The following CTNNA3 variants were observed in gnomAD, a reference collection of about 807,000 sequenced individuals.
The protein encoded by CTNNA3 is catenin alpha 3.
CTNNA3 carries 76 observed loss-of-function variants against 95.7 expected under a neutral mutation model. The ratio of observed to expected loss-of-function variants is 0.79; its 90% CI spans 0.66 to 0.96. CTNNA3 has a LOEUF of 0.96. Among genes scored for constraint, CTNNA3 ranks in the 40% least tolerant of loss-of-function variants. The pLI is 0.00. For synonymous variants in CTNNA3, 431 were observed against 374.4 expected, an observed-to-expected ratio of 1.15 and a Z score of -1.74; for missense variants, 1,191 against 1,089.8, an observed-to-expected ratio of 1.09 and a Z score of -1.31.
intron 13 of CTNNA3, among the ~76,000 whole-genome samples, chr10:66,221,651 C>G (rs2088934096): frequency 6.6e-6 from 1 of 152,112 alleles, no homozygotes; most frequent in African/African-American, 2.4e-5. Flanking sequence ...AGTTTTCAGG[C>G]AATTGAGAAC....
chr10:67,697,363 T>A (rs983411790), upstream of CTNNA3, among the ~76,000 whole-genome samples: 5 of 152,150 alleles, frequency 3.3e-5, no homozygotes, highest in Non-Finnish European at 7.4e-5. Flanking sequence ...AATAAAGAAA[T>A]CACTTGACAC....
chr10:67,346,500 T>C (rs1842418500), intron 5 of CTNNA3, among the ~76,000 whole-genome samples: 1 of 152,228 alleles, frequency 6.6e-6, no homozygotes, highest in Non-Finnish European at 1.5e-5. Context: ...TCACCAGATA[T>C]ACTATTCTAG....
At chr10:66,947,012 T>C (rs952213006) in intron 7 of CTNNA3, among the ~76,000 whole-genome samples, 1 of 152,168 alleles carries the variant, frequency 6.6e-6, no homozygotes, top group Non-Finnish European at 1.5e-5. Flanking sequence ...ACTGAGGTAA[T>C]CATCTTTTTA....
intron 12 of CTNNA3, among the ~76,000 whole-genome samples, chr10:66,282,840 C>T (rs1175647113): frequency 6.6e-6 from 1 of 151,716 alleles, no homozygotes; most frequent in African/African-American, 2.4e-5. Flanking sequence ...TGTTTATATC[C>T]TAAGTGCATA....
chr10:66,359,633 G>C (rs2092637764), intron 12 of CTNNA3, among the ~76,000 whole-genome samples: 1 of 152,012 alleles, frequency 6.6e-6, no homozygotes, highest in Non-Finnish European at 1.5e-5. Context: ...CCTCTGTTCT[G>C]TTTTGCATTA....
intron 15 of CTNNA3, among the ~76,000 whole-genome samples, chr10:66,004,075 A>C (rs2078830294): frequency 1.3e-5 from 2 of 152,248 alleles, no homozygotes; most frequent in Non-Finnish European, 2.9e-5. Flanking sequence ...GTTTCAAATG[A>C]ATAGCAAGGA....
intron 15 of CTNNA3, among the ~76,000 whole-genome samples, chr10:65,992,621 G>T (rs530973434): frequency 1.3e-4 from 19 of 151,872 alleles, no homozygotes; most frequent in African/African-American, 4.6e-4. Context: ...TTGTTTATTT[G>T]GGTATTCTCT....
At chr10:67,698,951 AT>A (rs572494724), upstream of CTNNA3, among the ~76,000 whole-genome samples, 50 of 152,254 alleles carry the variant, frequency 3.3e-4, no homozygotes, top group African/African-American at 1.2e-3. Context: ...CATCTGGAAG[AT>A]GTTTCACATC....
At chr10:66,154,806 A>G (rs2084404008) in intron 13 of CTNNA3, among the ~76,000 whole-genome samples, 2 of 144,810 alleles carry the variant, frequency 1.4e-5, no homozygotes, top group Non-Finnish European at 3.0e-5. Context: ...TTTAACACTC[A>G]CTAGAAAGCA....
At chr10:67,467,020 C>T (rs1314400171) in intron 5 of CTNNA3, among the ~76,000 whole-genome samples, 1 of 152,078 alleles carries the variant, frequency 6.6e-6, no homozygotes, top group Admixed American at 6.6e-5. Context: ...CATCTATAGT[C>T]CCACTGGCTA....
chr10:65,932,792 T>A (rs1443824760), intron 17 of CTNNA3, among the ~76,000 whole-genome samples: 4 of 152,168 alleles, frequency 2.6e-5, no homozygotes, highest in Non-Finnish European at 5.9e-5. Context: ...CTTTTTAAAA[T>A]TTTTTAAAAA....
At chr10:66,991,824 G>A (rs1564817156) in intron 7 of CTNNA3, among the ~76,000 whole-genome samples, 1 of 152,092 alleles carries the variant, frequency 6.6e-6, no homozygotes, top group Non-Finnish European at 1.5e-5. Flanking sequence ...CTGTATATAT[G>A]CCAGAATAAT....
At chr10:66,355,874 T>C (rs1394879694) in intron 12 of CTNNA3, among the ~76,000 whole-genome samples, 1 of 141,374 alleles carries the variant, frequency 7.1e-6, no homozygotes, top group Non-Finnish European at 1.5e-5. Context: ...TTTTTGTATA[T>C]AATGTAAGGC....
At chr10:66,758,934 TCAAACAAA>T (rs36040848) in intron 9 of CTNNA3, among the ~76,000 whole-genome samples, 4 of 151,886 alleles carry the variant, frequency 2.6e-5, no homozygotes, top group African/African-American at 9.7e-5. Flanking sequence ...GAGACTTGTC[TCAAACAAA>T]CAAACAAACA....
intron 11 of CTNNA3, among the ~76,000 whole-genome samples, chr10:66,418,126 A>C (rs984170074): frequency 6.7e-6 from 1 of 148,856 alleles, no homozygotes; most frequent in African/African-American, 2.5e-5. Flanking sequence ...AAAAAAAAAA[A>C]CTACGAGCTA....
At chr10:66,618,223 A>T (rs1844598323) in intron 10 of CTNNA3, among the ~76,000 whole-genome samples, 1 of 151,996 alleles carries the variant, frequency 6.6e-6, no homozygotes, top group African/African-American at 2.4e-5. Flanking sequence ...TAAAGTTCAT[A>T]TGGAACCAAA....
chr10:66,679,602 T>G (rs2132496819), intron 9 of CTNNA3, among the ~76,000 whole-genome samples: 1 of 152,298 alleles, frequency 6.6e-6, no homozygotes, highest in Middle Eastern at 3.4e-3. Flanking sequence ...CTCCAATAGA[T>G]TTGATTTTAC....
rs185984662 is a variant in CTNNA3 at position 66,742,273 on chromosome 10, G to A, written c.1281+23991C>T. ...GAAATAAGCCCTGGTCTCCCATAGC[G>A]CTCCCAGGCTTATTAGGATCAGGAA... is the stretch of plus-strand genomic sequence containing the variant. On this transcript the variant is annotated intron_variant, in intron 9 of 17. Transcript: ENST00000433211. Among the ~76,000 whole-genome samples the A allele has an allele frequency of 1.7e-3, 259 of 152,190 alleles. 2 individuals are homozygous for A. Among genetic ancestry groups the A allele is most frequent in the African/African-American group, 5.9e-3 (246 of 41,520 alleles).
intron 13 of CTNNA3, among the ~76,000 whole-genome samples, chr10:66,153,497 C>T (rs1230250750): frequency 6.6e-6 from 1 of 151,888 alleles, no homozygotes; most frequent in Non-Finnish European, 1.5e-5. Context: ...CAGTGTTGTT[C>T]TTTTAGCCTT....
Sources: gnomAD v4.1 joint callset for allele counts (sites outside exome capture counted in the v4.1 genomes callset) on GRCh38, gnomAD v4.1.1 for gene constraint, MANE v1.5 for transcripts, NCBI Gene and HGNC (gene_info 2026-07-23, HGNC 2026-07-21) for gene names.